MRPL22: variants seen among roughly 807,000 people sequenced by gnomAD.
MRPL22 encodes large ribosomal subunit protein uL22m.
In MRPL22, 27 loss-of-function variants were observed where a neutral mutation model predicts 32.4. The observed-to-expected ratio is 0.83, with a 90% CI of 0.61 to 1.15. The LOEUF is 1.15. Among genes scored for constraint, MRPL22 ranks in the 50% most tolerant of loss-of-function variants. The pLI is 0.00. For missense variants in MRPL22, 239 were observed against 260.2 expected, an observed-to-expected ratio of 0.92 and a Z score of 0.56; for synonymous variants, 86 against 87.3, an observed-to-expected ratio of 0.99 and a Z score of 0.08.
intron 2 of MRPL22, among the ~76,000 whole-genome samples, chr5:154,946,991 A>T (rs1418836814): frequency 6.6e-6 from 1 of 150,904 alleles, no homozygotes; most frequent in Non-Finnish European, 1.5e-5. Flanking sequence ...ACTAGCCATC[A>T]GTGTTTATCA....
In MRPL22 at chr5:154,968,353, A is replaced by G. The variant is rs1582698002; in HGVS notation, c.*1456A>G. On this transcript the variant is annotated 3_prime_UTR_variant, in exon 7 of 7. Coordinates refer to ENST00000523037, the MANE Select transcript of MRPL22 (RefSeq NM_014180.4). ...GCTGTTGTAGCATGGAGTCAGGGAA[A>G]TAACACTGGAATATTAAAAGGTAAC... The G allele has an allele frequency of 1.3e-5, 2 of 152,248 alleles. No homozygotes were observed. The highest frequency in any genetic ancestry group is 3.8e-4 in the East Asian group (2 of 5,198). The allele number at this position is 152,248 out of a possible 1,614,324, so 9.4% of individuals were successfully genotyped here.
chr5:154,957,169 A>G lies in MRPL22; in HGVS notation c.296A>G (p.Gln99Arg), dbSNP rs771161630. ...RGMSIDQALA[Q>R]LEFNDKKGAK... Reference sequence around the variant, plus strand: ...ATGTCTATTGACCAGGCTTTGGCTCAGTTGGAATTCAATGACAAAAAAGGG... The same window carrying G: ...ATGTCTATTGACCAGGCTTTGGCTCGGTTGGAATTCAATGACAAAAAAGGG... The change falls in exon 5 of 7, where the codon CAG (glutamine) becomes CGG (arginine). Residue 99 changes from glutamine to arginine, a missense_variant. Coordinates refer to ENST00000523037, the MANE Select transcript of MRPL22 (RefSeq NM_014180.4). The G allele has an allele frequency of 1.2e-6, 2 of 1,613,794 alleles. No homozygotes were observed. Among genetic ancestry groups the G allele is most frequent in the Non-Finnish European group, 1.7e-6 (2 of 1,179,736 alleles).
intron 6 of MRPL22, among the ~76,000 whole-genome samples, chr5:154,963,448 C>T (rs1166345950): frequency 1.3e-5 from 2 of 152,112 alleles, no homozygotes; most frequent in Non-Finnish European, 2.9e-5. Flanking sequence ...AGTTCTTTGA[C>T]AGTAGTATTT....
At chr5:154,949,083 G>T (rs1764527258) in intron 2 of MRPL22, among the ~76,000 whole-genome samples, 1 of 152,106 alleles carries the variant, frequency 6.6e-6, no homozygotes, top group East Asian at 1.9e-4. Context: ...ATGACAAGAT[G>T]TTCTGGGCTC....
chr5:154,945,729 A>T (rs1243672923), intron 2 of MRPL22, among the ~76,000 whole-genome samples: 1 of 152,226 alleles, frequency 6.6e-6, no homozygotes, highest in African/African-American at 2.4e-5. Context: ...GAACCCAATT[A>T]AAGAAAGTGT....
chr5:154,954,776 T>G (rs1454616116), intron 3 of MRPL22, among the ~76,000 whole-genome samples: 1 of 152,172 alleles, frequency 6.6e-6, no homozygotes, highest in Non-Finnish European at 1.5e-5. Flanking sequence ...ATGCACAAAT[T>G]AAAGGGTCTC....
rs2113017373 is a variant in MRPL22 at position 154,967,127 on chromosome 5, A to G, written c.*230A>G. On this transcript the variant is annotated 3_prime_UTR_variant, in exon 7 of 7. Coordinates refer to ENST00000523037, the MANE Select transcript of MRPL22 (RefSeq NM_014180.4). The surrounding 1 kb of genome is among the most constrained non-coding windows in gnomAD (Gnocchi z 4.7). ...GGAAATCAGCTTTAAACATAGTAAC[A>G]GACTATATTTCAAAAGGCTTTTGGA... The G allele has an allele frequency of 1.9e-6, 1 of 529,106 alleles. No homozygotes were observed. Among genetic ancestry groups the G allele is most frequent in the Admixed American group, 3.5e-5 (1 of 28,298 alleles). The allele number at this position is 529,106 out of a possible 1,614,324, so 32.8% of individuals were successfully genotyped here.
intron 3 of MRPL22, 33 bp downstream of exon 3, chr5:154,950,971 G>T: frequency 7.5e-7 from 1 of 1,337,948 alleles, no homozygotes. Context: ...TCTCTTAATT[G>T]TGGTAGTGCT....
chr5:154,941,081 TC>T lies in MRPL22; in HGVS notation c.-29del, dbSNP rs1764405017. On this transcript the variant is annotated 5_prime_UTR_variant, in exon 1 of 7. Transcript: ENST00000523037. ...CGTGCTGTCCAGAAGGCGCTTGAAC[TC>T]GGCGGCTTCCGTAGCGGGAGGGCGA... The T allele has an allele frequency of 1.1e-5, 17 of 1,613,228 alleles. No individual in the cohort carries two copies. Among genetic ancestry groups the T allele is most frequent in the Non-Finnish European group, 1.4e-5 (17 of 1,179,954 alleles).
chr5:154,948,878 T>C (rs1282598926), intron 2 of MRPL22, among the ~76,000 whole-genome samples: 1 of 152,232 alleles, frequency 6.6e-6, no homozygotes, highest in Non-Finnish European at 1.5e-5. Flanking sequence ...CTAATGGTAA[T>C]TAATTTGTAT....
chr5:154,947,015 G>A (rs1764500797), intron 2 of MRPL22, among the ~76,000 whole-genome samples: 1 of 47,650 alleles, frequency 2.1e-5, no homozygotes, highest in South Asian at 1.0e-3. Context: ...GCTAGACATT[G>A]TAGGATGCAC....
chr5:154,951,728 G>A (rs1042364206), intron 3 of MRPL22, among the ~76,000 whole-genome samples: 3 of 151,236 alleles, frequency 2.0e-5, no homozygotes, highest in African/African-American at 4.9e-5. Flanking sequence ...GTAGAGATGG[G>A]GTTTCACCAT....
At chr5:154,957,339 A>G (rs1764643937) in intron 5 of MRPL22, 127 bp downstream of exon 5, 2 of 692,684 alleles carry the variant, frequency 2.9e-6, no homozygotes, top group East Asian at 2.7e-5. Flanking sequence ...CATACTTTAT[A>G]TAATACAGAT....
At chr5:154,959,321 G>GT (rs1764672148) in intron 5 of MRPL22, 1 of 152,046 alleles carries the variant, frequency 6.6e-6, no homozygotes, top group Admixed American at 6.5e-5. Flanking sequence ...AGACTTTTCA[G>GT]TAAGATTAAG....
chr5:154,956,919 G>A, intron 4 of MRPL22: 1 of 503,190 alleles, frequency 2.0e-6, no homozygotes, highest in Non-Finnish European at 3.5e-6. Context: ...TAATGTTATT[G>A]AAACTATTAT....
intron 2 of MRPL22, among the ~76,000 whole-genome samples, chr5:154,943,762 T>C (rs1024635138): frequency 1.3e-5 from 2 of 151,888 alleles, no homozygotes; most frequent in African/African-American, 4.8e-5. Flanking sequence ...GCAGCCTCGA[T>C]TCAAGCCATC....
chr5:154,944,643 G>C (rs2113531053), intron 2 of MRPL22, among the ~76,000 whole-genome samples: 1 of 152,126 alleles, frequency 6.6e-6, no homozygotes, highest in Admixed American at 6.6e-5. Flanking sequence ...TAGTAAGGGG[G>C]GCAAATAAGC....
chr5:154,946,948 A>G (rs1764499974), intron 2 of MRPL22, among the ~76,000 whole-genome samples: 2 of 152,182 alleles, frequency 1.3e-5, no homozygotes, highest in African/African-American at 4.8e-5. Flanking sequence ...GTGAGCCACC[A>G]TACTTGGCCA....
intron 6 of MRPL22, 47 bp from the exon 7 acceptor site, chr5:154,966,639 T>C (rs1408715926): frequency 6.3e-7 from 1 of 1,594,582 alleles, no homozygotes; most frequent in Non-Finnish European, 8.6e-7. Context: ...TGATCAGGCT[T>C]GTGGATAACA....
Sources: gnomAD v4.1 joint callset for allele counts (sites outside exome capture counted in the v4.1 genomes callset) on GRCh38, gnomAD v4.1.1 for gene constraint, Gnocchi (gnomAD v3.1) non-coding constraint, MANE v1.5 for transcripts, NCBI Gene and HGNC (gene_info 2026-07-23, HGNC 2026-07-21) for gene names.